The following SIL1 variants were observed in gnomAD, a reference collection of about 807,000 sequenced individuals.
The protein encoded by SIL1 is SIL1 nucleotide exchange factor, also known as nucleotide exchange factor SIL1.
SIL1 carries 40 observed loss-of-function variants against 49.1 expected under a neutral mutation model. The observed-to-expected ratio is 0.81, with a 90% CI of 0.63 to 1.06. The LOEUF (loss-of-function observed/expected upper bound fraction) is 1.06. Among genes scored for constraint, SIL1 ranks in the 50% least tolerant of loss-of-function variants. The pLI is 0.00. For synonymous variants in SIL1, 253 were observed against 250.8 expected (o/e 1.01, Z -0.08); for missense variants, 500 against 572.6 (o/e 0.87, Z 1.29).
At chr5:139,030,954 CTTGATTATGTTAAG>C (rs1768778292) in intron 5 of SIL1, among the ~76,000 whole-genome samples, 1 of 152,074 alleles carries the variant, frequency 6.6e-6, no homozygotes, top group Non-Finnish European at 1.5e-5. Context: ...TAATTTTTCC[CTTGATTATGTTAAG>C]ATTGTTTTGC....
intron 1 of SIL1, among the ~76,000 whole-genome samples, chr5:139,164,587 C>A (rs1751579974): frequency 6.6e-6 from 1 of 152,182 alleles, no homozygotes; most frequent in Admixed American, 6.5e-5. Flanking sequence ...CAATCTTCAC[C>A]ATTCATTGAG....
At chr5:139,128,064 C>A in intron 1 of SIL1, 1 of 584,710 alleles carries the variant, frequency 1.7e-6, no homozygotes, top group Non-Finnish European at 3.2e-6. Flanking sequence ...TGGGTAGAAC[C>A]ATACAGTCGA....
intron 7 of SIL1, among the ~76,000 whole-genome samples, chr5:138,980,551 A>C (rs1767492703): frequency 6.6e-6 from 1 of 152,182 alleles, no homozygotes; most frequent in South Asian, 2.1e-4. Flanking sequence ...CTTCCATCCC[A>C]GACTTCCACT....
chr5:138,959,411 A>C (rs1766970742), intron 7 of SIL1, among the ~76,000 whole-genome samples: 1 of 152,224 alleles, frequency 6.6e-6, no homozygotes, highest in Non-Finnish European at 1.5e-5. Context: ...GCTTTACGCT[A>C]GTTTAAAACT....
At chr5:138,973,834 C>T (rs1767337935) in intron 7 of SIL1, among the ~76,000 whole-genome samples, 1 of 152,152 alleles carries the variant, frequency 6.6e-6, no homozygotes. Flanking sequence ...ATCCTCCTGC[C>T]TCAGCCTCCC....
At chr5:139,009,977 T>C (rs1768216417) in intron 7 of SIL1, among the ~76,000 whole-genome samples, 1 of 152,100 alleles carries the variant, frequency 6.6e-6, no homozygotes, top group Non-Finnish European at 1.5e-5. Context: ...CTTTGTGGCG[T>C]TCTCTGTATT....
chr5:138,981,170 G>A (rs575203352), intron 7 of SIL1, among the ~76,000 whole-genome samples: 7 of 147,108 alleles, frequency 4.8e-5, no homozygotes, highest in East Asian at 4.0e-4. Flanking sequence ...CCAAGATCAC[G>A]TCACTGCCCT....
chr5:139,035,883 C>G (rs946392447), intron 5 of SIL1: 4 of 154,032 alleles, frequency 2.6e-5, no homozygotes, highest in African/African-American at 9.7e-5. Flanking sequence ...ATCTTCTGAC[C>G]CGTGATCCAC....
chr5:139,120,126 G>A (rs1297134944), intron 3 of SIL1, among the ~76,000 whole-genome samples: 1 of 152,250 alleles, frequency 6.6e-6, no homozygotes, highest in African/African-American at 2.4e-5. Context: ...CAGCAGCAGT[G>A]GGGGCAGTGA....
At chr5:139,095,627 A>G (rs917037802) in intron 3 of SIL1, among the ~76,000 whole-genome samples, 1 of 152,202 alleles carries the variant, frequency 6.6e-6, no homozygotes, top group Non-Finnish European at 1.5e-5. Flanking sequence ...CACGCCTGTA[A>G]TCCAAGCACT....
At position 138,977,689 on chromosome 5, in the gene SIL1, A is replaced by G. The variant is rs1463550131; in HGVS notation, c.768-25805T>C. Among the ~76,000 whole-genome samples, 2 of 149,658 alleles carry G rather than the reference A, an allele frequency of 1.3e-5. 1 individual carries two copies. The highest frequency in any genetic ancestry group is 4.8e-5 in the African/African-American group (2 of 41,276). On this transcript the variant is annotated intron_variant, in intron 7 of 9. Transcript: ENST00000394817. ...ATCAGATCTTGTTACTCCCTTAATTAAATGGCACCAGTGGCTTCCTGCTAC... is the reference window on the plus strand; with the variant it reads ...ATCAGATCTTGTTACTCCCTTAATTGAATGGCACCAGTGGCTTCCTGCTAC...
chr5:139,011,686 G>C (rs1768276427), intron 7 of SIL1, among the ~76,000 whole-genome samples: 1 of 151,994 alleles, frequency 6.6e-6, no homozygotes, highest in Non-Finnish European at 1.5e-5. Context: ...TTCACTCATA[G>C]TGCCTTATTT....
chr5:139,119,398 CAG>C (rs2151792409), intron 3 of SIL1, among the ~76,000 whole-genome samples: 2 of 152,320 alleles, frequency 1.3e-5, no homozygotes, highest in African/African-American at 4.8e-5. Context: ...ACCACAGAAA[CAG>C]ATAGAGTAGG....
chr5:139,197,860 A>C (rs1561898968), intron 1 of SIL1, among the ~76,000 whole-genome samples: 1 of 152,232 alleles, frequency 6.6e-6, no homozygotes, highest in African/African-American at 2.4e-5. Flanking sequence ...AAAACAAGCA[A>C]TAAGAGAGTG....
intron 5 of SIL1, chr5:139,035,500 C>CCTTG: frequency 1.9e-6 from 1 of 537,088 alleles, no homozygotes; most frequent in Non-Finnish European, 3.7e-6. Flanking sequence ...TCACCGGCTG[C>CCTTG]CTTGGCAATG....
At chr5:139,076,508 T>A (rs1336472726) in intron 3 of SIL1, among the ~76,000 whole-genome samples, 1 of 152,192 alleles carries the variant, frequency 6.6e-6, no homozygotes, top group Non-Finnish European at 1.5e-5. Flanking sequence ...TATATAGACC[T>A]TGGGAATAGC....
intron 1 of SIL1, among the ~76,000 whole-genome samples, chr5:139,197,658 A>C (rs1752303954): frequency 6.6e-6 from 1 of 152,108 alleles, no homozygotes; most frequent in South Asian, 2.1e-4. Context: ...TGACTTCTGA[A>C]GCAGGGATTT....
intron 1 of SIL1, among the ~76,000 whole-genome samples, chr5:139,179,247 C>G (rs1279523391): frequency 6.6e-6 from 1 of 152,130 alleles, no homozygotes; most frequent in Non-Finnish European, 1.5e-5. Flanking sequence ...AATGAGTAAT[C>G]CCCAGGGCAG....
chr5:138,987,758 G>A (rs934475891), intron 7 of SIL1, among the ~76,000 whole-genome samples: 26 of 152,216 alleles, frequency 1.7e-4, no homozygotes, highest in Admixed American at 1.3e-3. Flanking sequence ...AAAGGGCCAC[G>A]GCCCAACCAG....
Sources: allele counts gnomAD v4.1 joint callset (sites outside exome capture counted in the v4.1 genomes callset), GRCh38; gene constraint gnomAD v4.1.1; transcripts MANE v1.5; gene names NCBI Gene and HGNC (gene_info 2026-07-23, HGNC 2026-07-21).